Variants in HDAC9 observed in about 807,000 individuals in gnomAD.
HDAC9 encodes MEF-2 interacting transcription repressor (MITR) protein.
A neutral mutation model predicts 139.4 loss-of-function variants in HDAC9; 41 were observed. That is an observed-to-expected ratio of 0.29 (90% confidence interval 0.23 to 0.38). The LOEUF (loss-of-function observed/expected upper bound fraction) is 0.38, where lower values mean the gene tolerates loss of function less well. HDAC9 is among the 10% of genes least tolerant of loss of function. HDAC9 has a pLI of 1.00. For missense variants in HDAC9, 1,147 were observed against 1,297.0 expected (o/e 0.88, Z 1.78); for synonymous variants, 517 against 476.2 (o/e 1.09, Z -1.12).
At chr7:18,092,021 C>A (rs1003363657) in intron 1 of HDAC9, among the ~76,000 whole-genome samples, 7 of 152,142 alleles carry the variant, frequency 4.6e-5, no homozygotes, top group Non-Finnish European at 2.9e-5. Flanking sequence ...AGAGTGACAT[C>A]AGGCTATACA....
chr7:18,107,963 A>C (rs1783338837), intron 1 of HDAC9, among the ~76,000 whole-genome samples: 1 of 152,216 alleles, frequency 6.6e-6, no homozygotes, highest in African/African-American at 2.4e-5. Context: ...TCAGATTCTT[A>C]GACAAAGATT....
intron 2 of HDAC9, among the ~76,000 whole-genome samples, chr7:18,504,710 G>A (rs980005749): frequency 1.5e-4 from 23 of 152,130 alleles, no homozygotes; most frequent in African/African-American, 5.6e-4. Flanking sequence ...AAGTTTCTCT[G>A]TGTATCACTT....
intron 2 of HDAC9, among the ~76,000 whole-genome samples, chr7:18,218,850 T>C (rs1792492271): frequency 6.6e-6 from 1 of 152,206 alleles, no homozygotes; most frequent in South Asian, 2.1e-4. Flanking sequence ...TTGACTATTA[T>C]AAATTATAAT....
At chr7:18,815,764 C>T (rs911110317) in intron 17 of HDAC9, among the ~76,000 whole-genome samples, 1 of 152,232 alleles carries the variant, frequency 6.6e-6, no homozygotes, top group Non-Finnish European at 1.5e-5. Flanking sequence ...TAATGCTGGG[C>T]TCTTGTTTTC....
intron 9 of HDAC9, among the ~76,000 whole-genome samples, chr7:18,647,254 G>A (rs1190967324): frequency 1.3e-5 from 2 of 151,988 alleles, no homozygotes; most frequent in South Asian, 2.1e-4. Context: ...CCTGAAATAA[G>A]CATTTTTTGT....
intron 21 of HDAC9, among the ~76,000 whole-genome samples, chr7:18,841,482 A>C (rs1796579741): frequency 6.6e-6 from 1 of 151,974 alleles, no homozygotes; most frequent in East Asian, 1.9e-4. Context: ...CAAGTCCTTG[A>C]GTTAGGTGCT....
At chr7:18,271,560 A>T (rs1796356977) in intron 2 of HDAC9, among the ~76,000 whole-genome samples, 1 of 152,156 alleles carries the variant, frequency 6.6e-6, no homozygotes, top group Non-Finnish European at 1.5e-5. Context: ...ACTAACTTTG[A>T]ATCTTAGAAA....
rs574520228 is a variant in HDAC9 at position 18,809,615 on chromosome 7, C to A, written c.2322+16163C>A. On this transcript the variant is annotated intron_variant, in intron 17 of 25. Coordinates refer to ENST00000686413, the MANE Select transcript of HDAC9 (RefSeq NM_178425.4). ...AAGGCATATATCTGGCCAACAGATA[C>A]ATGAAAAGATACTCAACATCGCTAA... 1.4e-4 allele frequency among the ~76,000 whole-genome samples: 21 copies of A among 151,906 alleles called. 2 individuals are homozygous for A. In the South Asian group the frequency reaches 4.4e-3, roughly 32 times the overall value.
intron 1 of HDAC9, among the ~76,000 whole-genome samples, chr7:18,103,292 C>G (rs1782972673): frequency 6.6e-6 from 1 of 152,178 alleles, no homozygotes; most frequent in Non-Finnish European, 1.5e-5. Context: ...GTTGGGGACA[C>G]AGCCAAACCA....
intron 16 of HDAC9, among the ~76,000 whole-genome samples, chr7:18,774,182 G>T (rs1790561222): frequency 6.6e-6 from 1 of 151,712 alleles, no homozygotes; most frequent in African/African-American, 2.4e-5. Context: ...AAAATAATAA[G>T]TAAAATAAAG....
intron 2 of HDAC9, among the ~76,000 whole-genome samples, chr7:18,567,183 A>G (rs1822626075): frequency 6.6e-6 from 1 of 152,060 alleles, no homozygotes; most frequent in South Asian, 2.1e-4. Flanking sequence ...GCCCAAGTGA[A>G]CCGCCTACGT....
intron 8 of HDAC9, among the ~76,000 whole-genome samples, chr7:18,638,554 A>T (rs965393777): frequency 5.3e-5 from 8 of 152,092 alleles, no homozygotes; most frequent in African/African-American, 1.9e-4. Flanking sequence ...CTGATCTAGG[A>T]GAAGGTAGTA....
At chr7:18,444,242 G>T (rs1472645621) in intron 1 of HDAC9, among the ~76,000 whole-genome samples, 2 of 147,538 alleles carry the variant, frequency 1.4e-5, no homozygotes, top group African/African-American at 2.5e-5. Context: ...GGGAGCCTGA[G>T]ATAGGAGAAT....
In HDAC9 at chr7:18,356,177, C is replaced by A. The variant is rs142576266; in HGVS notation, c.-42+65662C>A. Among the ~76,000 whole-genome samples, 116 of 152,112 alleles carry A rather than the reference C, an allele frequency of 7.6e-4. 1 individual carries two copies. The East Asian group carries it at 0.018, about 24-fold the overall frequency. ...CTTCAGACAGAATCATTATTTGCAT[C>A]AAATTCAGAATTTCCCGTACATGAT... On this transcript the variant is annotated intron_variant, in intron 1 of 3. Transcript: ENST00000413509.
At chr7:18,590,779 T>C (rs1830722345) in intron 4 of HDAC9, among the ~76,000 whole-genome samples, 1 of 152,180 alleles carries the variant, frequency 6.6e-6, no homozygotes, top group Non-Finnish European at 1.5e-5. Flanking sequence ...ATATATGCCA[T>C]CTTGTTTAAT....
intron 1 of HDAC9, among the ~76,000 whole-genome samples, chr7:18,399,431 A>T (rs145714550): frequency 6.6e-6 from 1 of 152,210 alleles, no homozygotes; most frequent in South Asian, 2.1e-4. Context: ...ACTAAATTGT[A>T]TGGAGGTGTT....
chr7:18,698,611 A>T (rs964481182), intron 12 of HDAC9, among the ~76,000 whole-genome samples: 1 of 152,172 alleles, frequency 6.6e-6, no homozygotes, highest in Admixed American at 6.5e-5. Flanking sequence ...TCATTGGAAG[A>T]GTGAATGGCT....
intron 24 of HDAC9, among the ~76,000 whole-genome samples, chr7:18,956,085 CT>C (rs1165396332): frequency 6.6e-6 from 1 of 152,058 alleles, no homozygotes; most frequent in Non-Finnish European, 1.5e-5. Context: ...CTGTTTGACT[CT>C]TGAAAAAGAC....
At position 18,611,173 on chromosome 7, in the gene HDAC9, T is replaced by C. The variant is rs539444571; in HGVS notation, c.664+17144T>C. On this transcript the variant is annotated intron_variant, in intron 6 of 25. Coordinates refer to ENST00000686413, the MANE Select transcript of HDAC9 (RefSeq NM_178425.4). ...ATAGCAAGAAGAGCATAATGATTTATTACATGACAGTGATGTTTAACCTAC... is the reference window on the plus strand; with the variant it reads ...ATAGCAAGAAGAGCATAATGATTTACTACATGACAGTGATGTTTAACCTAC... 2.0e-5 allele frequency among the ~76,000 whole-genome samples: 3 copies of C among 152,272 alleles called. No homozygotes were observed. The South Asian group carries it at 6.2e-4, about 32-fold the overall frequency.
Sources: allele counts gnomAD v4.1 joint callset (sites outside exome capture counted in the v4.1 genomes callset), GRCh38; gene constraint gnomAD v4.1.1; transcripts MANE v1.5; gene names NCBI Gene and HGNC (gene_info 2026-07-23, HGNC 2026-07-21).